Variants in LRP1B observed in about 807,000 individuals in gnomAD.
The protein encoded by LRP1B is low-density lipoprotein receptor-related protein 1B.
A neutral mutation model predicts 556.6 loss-of-function variants in LRP1B; 217 were observed. The ratio of observed to expected loss-of-function variants is 0.39; its 90% CI spans 0.35 to 0.44. The LOEUF is 0.44. LRP1B is among the 20% of genes least tolerant of loss of function. The pLI, the probability that LRP1B is intolerant of heterozygous loss-of-function variation, is 1.00. For synonymous variants in LRP1B, 2,047 were observed against 1,865.8 expected (o/e 1.10, Z -2.50); for missense variants, 5,053 against 5,620.8 (o/e 0.90, Z 3.23).
rs1319030595 is a variant in LRP1B at position 140,525,951 on chromosome 2, G to A, written c.7919C>T (p.Thr2640Ile). The A allele has an allele frequency of 2.5e-6, 4 of 1,612,224 alleles. No individual in the cohort carries two copies. The East Asian group carries it at 6.7e-5, about 27-fold the overall frequency. Residue 2640 changes from threonine to isoleucine, a missense_variant, in exon 49 of 91, where the codon ACC becomes ATC. This residue lies in a region of LRP1B where 3,619 missense variants were observed against 3,931.9 expected (regional missense o/e 0.92). Transcript: ENST00000389484. ...AGAATTACATCTTATGAACCCTGTG[G>A]TTTTCACTCCAAGCTTATAGAAATG... ...CTHFYKLGVK[T>I]TGFIRCNSTS...
intron 61 of LRP1B, among the ~76,000 whole-genome samples, chr2:140,457,213 C>A (rs1380813833): frequency 6.6e-6 from 1 of 152,102 alleles, no homozygotes; most frequent in Non-Finnish European, 1.5e-5. Flanking sequence ...TGACTAAATG[C>A]ATTATTATCA....
At chr2:141,352,596 A>T (rs564864762) in intron 3 of LRP1B, among the ~76,000 whole-genome samples, 1 of 152,030 alleles carries the variant, frequency 6.6e-6, no homozygotes, top group East Asian at 1.9e-4. Flanking sequence ...GTTAATTGAT[A>T]AAAAATGATA....
intron 2 of LRP1B, among the ~76,000 whole-genome samples, chr2:141,690,138 C>T (rs1691462085): frequency 6.6e-6 from 1 of 151,466 alleles, no homozygotes; most frequent in South Asian, 2.1e-4. Context: ...AATTTCAATA[C>T]ATAGCTTGAA....
intron 20 of LRP1B, among the ~76,000 whole-genome samples, chr2:140,924,096 G>A (rs151220271): frequency 2.3e-3 from 345 of 151,994 alleles, no homozygotes; most frequent in African/African-American, 7.6e-3. Flanking sequence ...AGCAATTAAT[G>A]TATAAGCTAC....
At chr2:141,407,918 G>T (rs1573910668) in intron 3 of LRP1B, among the ~76,000 whole-genome samples, 2 of 152,120 alleles carry the variant, frequency 1.3e-5, no homozygotes. Context: ...ATTATTGAAA[G>T]CATATCACAG....
At chr2:140,539,517 G>C (rs563367480) in intron 45 of LRP1B, among the ~76,000 whole-genome samples, 3 of 151,980 alleles carry the variant, frequency 2.0e-5, no homozygotes, top group East Asian at 1.9e-4. Flanking sequence ...ATTTCCTCTC[G>C]TCAACAGAGA....
intron 3 of LRP1B, among the ~76,000 whole-genome samples, chr2:141,278,445 G>C (rs1276135470): frequency 6.6e-6 from 1 of 152,074 alleles, no homozygotes; most frequent in Non-Finnish European, 1.5e-5. Flanking sequence ...TTAGAAACCT[G>C]TTCACTTTGG....
Position 141,026,459 on chromosome 2 carries a change from A to C in LRP1B, c.1790-6357T>G, listed in dbSNP as rs1698220962. 3.9e-5 allele frequency among the ~76,000 whole-genome samples: 6 copies of C among 152,222 alleles called. No individual in the cohort carries two copies. In the South Asian group the frequency reaches 1.2e-3, roughly 32 times the overall value. On this transcript the variant is annotated intron_variant, in intron 11 of 90. Coordinates refer to ENST00000389484, the MANE Select transcript of LRP1B (RefSeq NM_018557.3). ...TGAAAAATACTGATCACTAAATTCC[A>C]AGTTGAGCTTAAAAGTTAGAGAATG...
chr2:140,446,348 A>C (rs1686659622), intron 63 of LRP1B, among the ~76,000 whole-genome samples: 1 of 152,162 alleles, frequency 6.6e-6, no homozygotes, highest in Admixed American at 6.6e-5. Context: ...GTATTATAAG[A>C]AACATTATTA....
At chr2:140,725,829 C>A (rs576495489) in intron 35 of LRP1B, among the ~76,000 whole-genome samples, 1 of 152,222 alleles carries the variant, frequency 6.6e-6, no homozygotes, top group African/African-American at 2.4e-5. Flanking sequence ...TTCTTCATCT[C>A]AATTTATCAT....
intron 3 of LRP1B, among the ~76,000 whole-genome samples, chr2:141,372,314 T>C (rs1689256271): frequency 6.6e-6 from 1 of 152,150 alleles, no homozygotes; most frequent in Non-Finnish European, 1.5e-5. Flanking sequence ...TTTGTGCCTA[T>C]GTTCATCGGA....
chr2:141,109,168 T>C (rs907758966), intron 7 of LRP1B, among the ~76,000 whole-genome samples: 1 of 152,166 alleles, frequency 6.6e-6, no homozygotes, highest in African/African-American at 2.4e-5. Flanking sequence ...TCCACACTTC[T>C]GTGACTGCAT....
At chr2:140,573,086 T>C (rs1681390982) in intron 43 of LRP1B, among the ~76,000 whole-genome samples, 1 of 151,732 alleles carries the variant, frequency 6.6e-6, no homozygotes. Context: ...TATAGCACTG[T>C]AGGGTGACTA....
At chr2:141,928,974 G>A (rs1258287123) in intron 1 of LRP1B, among the ~76,000 whole-genome samples, 3 of 152,006 alleles carry the variant, frequency 2.0e-5, no homozygotes, top group Non-Finnish European at 4.4e-5. Context: ...ATCTTTGTAG[G>A]AGAGCATATT....
rs114971332 is a variant in LRP1B, at chr2:141,250,905, G to A, written c.464-3551C>T. ...ACTGGCATGTTAAAAAATCCCCAGC[G>A]GAGGGGTAACATAAGGGTTTCAATA... On this transcript the variant is annotated intron_variant, in intron 4 of 90. Coordinates refer to ENST00000389484, the MANE Select transcript of LRP1B (RefSeq NM_018557.3). Among the ~76,000 whole-genome samples, 965 of 152,224 alleles carry A rather than the reference G, an allele frequency of 6.3e-3. 10 individuals are homozygous for A. Among genetic ancestry groups the A allele is most frequent in the African/African-American group, 0.02 (847 of 41,542 alleles).
chr2:140,647,055 A>G (rs1684510338), intron 41 of LRP1B, among the ~76,000 whole-genome samples: 2 of 152,172 alleles, frequency 1.3e-5, no homozygotes, highest in African/African-American at 2.4e-5. Context: ...ACTAATGGGA[A>G]GATGTTTCAC....
intron 7 of LRP1B, among the ~76,000 whole-genome samples, chr2:141,087,005 G>T (rs1700063315): frequency 6.6e-6 from 1 of 152,152 alleles, no homozygotes; most frequent in Admixed American, 6.5e-5. Context: ...CAGAAAGTAG[G>T]CATCCCACTT....
At chr2:141,563,665 G>T (rs1686237813) in intron 2 of LRP1B, among the ~76,000 whole-genome samples, 2 of 152,020 alleles carry the variant, frequency 1.3e-5, no homozygotes, top group Non-Finnish European at 2.9e-5. Flanking sequence ...AATAGGTAAG[G>T]AATAAAATGA....
At chr2:142,100,421 T>C (rs1706532532) in intron 1 of LRP1B, among the ~76,000 whole-genome samples, 1 of 151,994 alleles carries the variant, frequency 6.6e-6, no homozygotes, top group African/African-American at 2.4e-5. Flanking sequence ...TACCAGCTTT[T>C]AGAAACTAAC....
Sources: gnomAD v4.1 joint callset for allele counts (sites outside exome capture counted in the v4.1 genomes callset) on GRCh38, gnomAD v4.1.1 for gene constraint, gnomAD v4.1.1 regional missense constraint, MANE v1.5 for transcripts, NCBI Gene and HGNC (gene_info 2026-07-23, HGNC 2026-07-21) for gene names.